Variants in HDAC9 observed in about 807,000 individuals in gnomAD.
The protein encoded by HDAC9 is MEF-2 interacting transcription repressor (MITR) protein.
HDAC9 carries 41 observed loss-of-function variants against 139.4 expected under a neutral mutation model. That is an observed-to-expected ratio of 0.29 (90% CI 0.23 to 0.38). The LOEUF (loss-of-function observed/expected upper bound fraction) is 0.38, where lower values mean the gene tolerates loss of function less well. Among genes scored for constraint, HDAC9 ranks in the 10% least tolerant of loss-of-function variants. HDAC9 has a pLI of 1.00. For missense variants in HDAC9, 1,147 were observed against 1,297.0 expected (o/e 0.88, Z 1.78); for synonymous variants, 517 against 476.2 (o/e 1.09, Z -1.12).
At chr7:18,903,151 A>C (rs1460219213) in intron 22 of HDAC9, among the ~76,000 whole-genome samples, 2 of 152,364 alleles carry the variant, frequency 1.3e-5, no homozygotes, top group African/African-American at 4.8e-5. Flanking sequence ...TTGAGAAATG[A>C]TGGAATTTCA....
At chr7:18,707,572 C>G (rs1784025533) in intron 12 of HDAC9, among the ~76,000 whole-genome samples, 1 of 152,090 alleles carries the variant, frequency 6.6e-6, no homozygotes, top group Non-Finnish European at 1.5e-5. Context: ...ATGAAAAAAT[C>G]AAGATGCCAA....
At chr7:18,159,610 G>T (rs1301906288) in intron 1 of HDAC9, among the ~76,000 whole-genome samples, 1 of 152,126 alleles carries the variant, frequency 6.6e-6, no homozygotes, top group Non-Finnish European at 1.5e-5. Context: ...TACATGTGAT[G>T]TGCACATATG....
chr7:18,179,823 G>T (rs927555825), intron 2 of HDAC9, among the ~76,000 whole-genome samples: 1 of 152,068 alleles, frequency 6.6e-6, no homozygotes, highest in Non-Finnish European at 1.5e-5. Flanking sequence ...TGTTATGTTG[G>T]TATCATAAAA....
At chr7:18,343,089 C>T (rs931636521) in intron 1 of HDAC9, among the ~76,000 whole-genome samples, 1 of 151,708 alleles carries the variant, frequency 6.6e-6, no homozygotes, top group Non-Finnish European at 1.5e-5. Context: ...CCTCTCGGTA[C>T]CCTCCTGTAT....
chr7:18,653,805 GTTTA>G (rs1255837613), intron 11 of HDAC9, among the ~76,000 whole-genome samples: 1 of 152,074 alleles, frequency 6.6e-6, no homozygotes, highest in East Asian at 1.9e-4. Flanking sequence ...GAATTTGACT[GTTTA>G]TTTGAGTAGT....
At position 18,744,012 on chromosome 7, in the gene HDAC9, G is replaced by GTTTTTTTTT. The variant is rs35414332; in HGVS notation, c.1910-4980_1910-4972dup. Among the ~76,000 whole-genome samples, 42 of 110,434 alleles carry GTTTTTTTTT rather than the reference G, an allele frequency of 3.8e-4. 2 individuals are homozygous for GTTTTTTTTT. Among genetic ancestry groups the GTTTTTTTTT allele is most frequent in the African/African-American group, 1.3e-3 (38 of 28,964 alleles). The allele number at this position is 110,434 out of a possible 152,430, so 72.4% of individuals were successfully genotyped here. A position where few individuals can be genotyped will look rare whatever the true frequency, so the allele number is the denominator to read the frequency against. ...TTTTTACATCTCACTTTTACTACTAGTTTTTTTTTTTTTTTTTTTTTGAGA... is the reference window on the plus strand; with the variant it reads ...TTTTTACATCTCACTTTTACTACTAGTTTTTTTTTTTTTTTTTTTTTTTTTTTTTTGAGA... On this transcript the variant is annotated intron_variant, in intron 13 of 25. Transcript: ENST00000686413.
At chr7:18,960,533 TTTTA>T (rs1783459796) in intron 24 of HDAC9, among the ~76,000 whole-genome samples, 1 of 151,518 alleles carries the variant, frequency 6.6e-6, no homozygotes, top group African/African-American at 2.4e-5. Context: ...TGATTTTACT[TTTTA>T]TTATATTTCC....
At chr7:18,929,714 G>A (rs1308608342) in intron 22 of HDAC9, among the ~76,000 whole-genome samples, 24 of 152,232 alleles carry the variant, frequency 1.6e-4, no homozygotes, top group Non-Finnish European at 2.1e-4. Context: ...AAGGCTGGTG[G>A]ATCACGAGGT....
chr7:18,262,516 T>G (rs540659321), intron 2 of HDAC9, among the ~76,000 whole-genome samples: 3 of 152,290 alleles, frequency 2.0e-5, no homozygotes, highest in African/African-American at 7.2e-5. Context: ...TAAAAGGGTA[T>G]TAGATCACAA....
At chr7:18,264,128 A>G (rs1253568746) in intron 2 of HDAC9, among the ~76,000 whole-genome samples, 1 of 152,198 alleles carries the variant, frequency 6.6e-6, no homozygotes, top group Non-Finnish European at 1.5e-5. Flanking sequence ...ACTTTACATA[A>G]TGGACAGAAC....
intron 6 of HDAC9, among the ~76,000 whole-genome samples, chr7:18,620,806 C>T (rs934052253): frequency 6.6e-6 from 1 of 152,122 alleles, no homozygotes; most frequent in Non-Finnish European, 1.5e-5. Context: ...CTTCCAATGA[C>T]TTGGTAGTTC....
intron 1 of HDAC9, among the ~76,000 whole-genome samples, chr7:18,128,692 C>A (rs940046023): frequency 3.9e-5 from 6 of 151,986 alleles, no homozygotes; most frequent in Admixed American, 6.6e-5. Context: ...CAGATGTATT[C>A]AAAAAATTGA....
intron 6 of HDAC9, among the ~76,000 whole-genome samples, chr7:18,623,407 G>A (rs1055143101): frequency 1.3e-5 from 2 of 151,948 alleles, no homozygotes; most frequent in African/African-American, 2.4e-5. Context: ...ACCAATTGCA[G>A]CCATCTCTCT....
intron 2 of HDAC9, among the ~76,000 whole-genome samples, chr7:18,559,977 A>G (rs765855372): frequency 1.3e-5 from 2 of 152,336 alleles, no homozygotes; most frequent in African/African-American, 2.4e-5. Flanking sequence ...ACTTGAATAG[A>G]TAATACATGA....
intron 1 of HDAC9, among the ~76,000 whole-genome samples, chr7:18,416,840 A>G (rs1789114535): frequency 6.6e-6 from 1 of 152,006 alleles, no homozygotes; most frequent in South Asian, 2.1e-4. Context: ...GCTGTCATTC[A>G]TATTTTGTCT....
At chr7:18,697,739 A>G (rs1783156797) in intron 12 of HDAC9, among the ~76,000 whole-genome samples, 1 of 152,120 alleles carries the variant, frequency 6.6e-6, no homozygotes. Context: ...TCTTGGCATG[A>G]GCTGAGAGTT....
chr7:18,657,987 G>T (rs1459088919), intron 11 of HDAC9, among the ~76,000 whole-genome samples: 1 of 152,006 alleles, frequency 6.6e-6, no homozygotes, highest in Non-Finnish European at 1.5e-5. Flanking sequence ...TCCACCTCCA[G>T]GAGCTGCGCC....
intron 2 of HDAC9, among the ~76,000 whole-genome samples, chr7:18,512,529 T>C (rs1170316244): frequency 1.3e-5 from 2 of 152,178 alleles, no homozygotes; most frequent in African/African-American, 4.8e-5. Flanking sequence ...ACTACATCTT[T>C]AAAAAGTTAT....
intron 22 of HDAC9, among the ~76,000 whole-genome samples, chr7:18,925,474 C>T (rs1220965704): frequency 6.6e-6 from 1 of 152,088 alleles, no homozygotes; most frequent in African/African-American, 2.4e-5. Context: ...CCTTCATTGC[C>T]AGCACAGTTC....
Sources: gnomAD v4.1 joint callset for allele counts (sites outside exome capture counted in the v4.1 genomes callset) on GRCh38, gnomAD v4.1.1 for gene constraint, MANE v1.5 for transcripts, NCBI Gene and HGNC (gene_info 2026-07-23, HGNC 2026-07-21) for gene names.